The following TMEM185A variants were observed in gnomAD, a reference collection of about 807,000 sequenced individuals.
The protein encoded by TMEM185A is transmembrane protein 185A.
TMEM185A carries 9 observed loss-of-function variants against 25.0 expected under a neutral mutation model. The ratio of observed to expected loss-of-function variants is 0.36; its 90% CI spans 0.22 to 0.63. The LOEUF is 0.63. TMEM185A is among the 20% of genes least tolerant of loss of function. The pLI, the probability that TMEM185A is intolerant of heterozygous loss-of-function variation, is 0.68. For synonymous variants in TMEM185A, 45 were observed against 93.5 expected, an observed-to-expected ratio of 0.48 and a Z score of 2.99; for missense variants, 103 against 237.4, an observed-to-expected ratio of 0.43 and a Z score of 3.72.
In TMEM185A at chrX:149,611,467, G is replaced by C; in HGVS notation, c.39-4C>G. ...ACAGGCATAGATGAGGAATTTACTA[G>C]GAGAAAAGTAAAACGATTAAGAAGG... On this transcript the variant is annotated splice_region_variant and splice_polypyrimidine_tract_variant and intron_variant, in intron 1 of 6. Transcript: ENST00000600449. The C allele has an allele frequency of 8.4e-7, 1 of 1,184,952 alleles. No individual in the cohort carries two copies. The highest frequency in any genetic ancestry group is 1.9e-5 in the South Asian group (1 of 52,362).
chrX:149,615,677 A>C lies in TMEM185A; in HGVS notation c.39-4214T>G, dbSNP rs186493263. On this transcript the variant is annotated intron_variant, in intron 1 of 6. Transcript: ENST00000600449. ...GTAGCTATCACAAATTGGAAACAGAAATTTAAAAATATGTATCATTTACTG... is the reference window on the plus strand; with the variant it reads ...GTAGCTATCACAAATTGGAAACAGACATTTAAAAATATGTATCATTTACTG... 2.7e-5 allele frequency among the ~76,000 whole-genome samples: 3 copies of C among 112,130 alleles called. No individual in the cohort carries two copies. In the East Asian group the frequency reaches 8.3e-4, roughly 31 times the overall value.
chrX:149,610,240 G>T (rs2090074744), intron 2 of TMEM185A, among the ~76,000 whole-genome samples: 1 of 108,509 alleles, frequency 9.2e-6, no homozygotes, highest in Non-Finnish European at 1.9e-5. Flanking sequence ...AAACTAGCCT[G>T]GCATGGTGAA....
chrX:149,606,389 T>C (rs2090051297), intron 3 of TMEM185A, among the ~76,000 whole-genome samples: 1 of 113,064 alleles, frequency 8.8e-6, no homozygotes, highest in Non-Finnish European at 1.9e-5. Flanking sequence ...TATTACTGTT[T>C]TCCTCAAAAT....
Position 149,596,921 on chromosome X carries a change from G to A in TMEM185A, c.*1090C>T, listed in dbSNP as rs1425559347. On this transcript the variant is annotated 3_prime_UTR_variant, in exon 7 of 7. Transcript: ENST00000600449. ...CCTGCAGTGCTTGGAGAAACGGCAC[G>A]CACACGTGAAAACATCATGCCTACT... 9.3e-6 allele frequency: 1 copy of A among 107,080 alleles called. No individual in the cohort carries two copies. The highest frequency in any genetic ancestry group is 1.9e-5 in the Non-Finnish European group (1 of 51,578). 8.8% of individuals were successfully genotyped at this position (107,080 alleles called of 1,213,427 possible).
chrX:149,610,272 C>G (rs1435514868), intron 2 of TMEM185A, among the ~76,000 whole-genome samples: 1 of 107,100 alleles, frequency 9.3e-6, no homozygotes, highest in African/African-American at 3.4e-5. Flanking sequence ...ACTAAAAATA[C>G]AAAAAATTAG....
intron 3 of TMEM185A, among the ~76,000 whole-genome samples, chrX:149,607,817 A>G (rs2090060396): frequency 8.9e-6 from 1 of 112,009 alleles, no homozygotes; most frequent in South Asian, 3.7e-4. Flanking sequence ...TATAGTACCC[A>G]GTTATTTAAT....
At chrX:149,620,885 G>A (rs1183908755) in intron 1 of TMEM185A, among the ~76,000 whole-genome samples, 9 of 112,329 alleles carry the variant, frequency 8.0e-5, no homozygotes, top group African/African-American at 2.9e-4. Context: ...AAGAGAGCCT[G>A]TGTCAAGGTG....
chrX:149,615,563 C>T (rs997248083), intron 1 of TMEM185A, among the ~76,000 whole-genome samples: 8 of 109,467 alleles, frequency 7.3e-5, no homozygotes, highest in Admixed American at 2.0e-4. Context: ...CCTAAGTAAT[C>T]TAAAAAAAAG....
chrX:149,631,729 TCGCCGTCGCCGCCGCCGCCGCCGCCGC>T lies in TMEM185A; in HGVS notation c.-176_-150del, dbSNP rs1158707547. 119 of 438,593 alleles carry T rather than the reference TCGCCGTCGCCGCCGCCGCCGCCGCCGC, an allele frequency of 2.7e-4. 1 individual carries two copies. Among genetic ancestry groups the T allele is most frequent in the African/African-American group, 9.1e-4 (26 of 28,564 alleles). 36.1% of individuals were successfully genotyped at this position (438,593 alleles called of 1,213,427 possible). ...GCTGCCGTCCCCGCTGCCGTCGCCG[TCGCCGTCGCCGCCGCCGCCGCCGCCGC>T]CGCCGCCGCCGCCGCCGCCGCCGCC... On this transcript the variant is annotated 5_prime_UTR_variant, in exon 1 of 7. Coordinates refer to ENST00000600449, the MANE Select transcript of TMEM185A (RefSeq NM_032508.4).
intron 1 of TMEM185A, among the ~76,000 whole-genome samples, chrX:149,613,337 A>C (rs1025539306): frequency 8.9e-6 from 1 of 112,223 alleles, no homozygotes; most frequent in Middle Eastern, 4.6e-3. Context: ...AGTCAGAGAG[A>C]TTCCAGACTT....
intron 4 of TMEM185A, 26 bp downstream of exon 4, chrX:149,603,957 CTTTA>C (rs782742835): frequency 3.4e-6 from 4 of 1,160,548 alleles, no homozygotes; most frequent in Middle Eastern, 2.7e-4. Context: ...TAAAAAAGAA[CTTTA>C]TTTAAGGATT....
chrX:149,628,886 T>C (rs1244174601), intron 1 of TMEM185A, among the ~76,000 whole-genome samples: 2 of 112,113 alleles, frequency 1.8e-5, no homozygotes, highest in Non-Finnish European at 3.8e-5. Flanking sequence ...AGATTTATCT[T>C]ATAGGCTCTG....
chrX:149,608,649 A>G lies in TMEM185A; in HGVS notation c.401T>C (p.Phe134Ser). The G allele has an allele frequency of 8.3e-7, 1 of 1,211,803 alleles. No individual in the cohort carries two copies. Among genetic ancestry groups the G allele is most frequent in the Non-Finnish European group, 1.1e-6 (1 of 895,514 alleles). The change falls in exon 3 of 7, where the codon TTT becomes TCT. Residue 134 changes from phenylalanine (F) to serine (S), a missense_variant. Physicochemically the swap from Phe to Ser is radical, Grantham distance 155. Transcript: ENST00000600449. ...CACCTCTAGTGACCTGTCATGTCGA[A>G]AGCCCCAAACGCAAGCTGCAACAGA... ...PVSVAACVWG[F>S]RHDRSLELEI...
In TMEM185A at chrX:149,598,844, G is replaced by T. The variant is rs1204977711; in HGVS notation, c.809-589C>A. Among the ~76,000 whole-genome samples, 4 of 75,545 alleles carry T rather than the reference G, an allele frequency of 5.3e-5. 1 individual carries two copies. Among genetic ancestry groups the T allele is most frequent in the Non-Finnish European group, 9.0e-5 (4 of 44,452 alleles). 65.6% of individuals were successfully genotyped at this position (75,545 alleles called of 115,157 possible). On this transcript the variant is annotated intron_variant, in intron 6 of 6. Transcript: ENST00000600449. ...TTTCCCAGTCCCACTACTCCTCTCT[G>T]TAGGCTACTGGAGTGTCAGCTCGGT...
At position 149,608,761 on chromosome X, in the gene TMEM185A, ACAT is replaced by A; in HGVS notation, c.286_288del (p.Met96del). 1 of 1,211,738 alleles carries A rather than the reference ACAT, an allele frequency of 8.3e-7. No homozygotes were observed. On this transcript the variant is annotated inframe_deletion, in exon 3 of 7. Transcript: ENST00000600449. Reference sequence around the variant, plus strand: ...ATTCTGTCACAGACCAGAACTTCAAACATCAACAAGAGCAAGTGGATGCCCACT... The same window carrying A: ...ATTCTGTCACAGACCAGAACTTCAAACAACAAGAGCAAGTGGATGCCCACT...
At chrX:149,613,062 C>T (rs1238903084) in intron 1 of TMEM185A, among the ~76,000 whole-genome samples, 2 of 111,637 alleles carry the variant, frequency 1.8e-5, no homozygotes, top group Non-Finnish European at 3.8e-5. Flanking sequence ...GGCTACTCTC[C>T]CTATTTTAAG....
chrX:149,611,618 T>C (rs781889202), intron 1 of TMEM185A, among the ~76,000 whole-genome samples, 155 bp from the exon 2 acceptor site: 10 of 112,266 alleles, frequency 8.9e-5, no homozygotes, highest in Non-Finnish European at 1.9e-4. Flanking sequence ...ACATAATGTG[T>C]TGGGAATAAA....
chrX:149,612,711 C>T (rs2090090204), intron 1 of TMEM185A, among the ~76,000 whole-genome samples: 1 of 111,827 alleles, frequency 8.9e-6, no homozygotes, highest in Admixed American at 9.4e-5. Context: ...ATAAAGATGT[C>T]TGTTGGTGGA....
At chrX:149,631,157 CGAGT>C (rs1347599188) in intron 1 of TMEM185A, among the ~76,000 whole-genome samples, 2 of 109,791 alleles carry the variant, frequency 1.8e-5, no homozygotes, top group African/African-American at 6.7e-5. Context: ...GGTGTTGGGT[CGAGT>C]GAGACGGCCC....
Sources: allele counts gnomAD v4.1 joint callset (sites outside exome capture counted in the v4.1 genomes callset), GRCh38; gene constraint gnomAD v4.1.1; transcripts MANE v1.5; gene names NCBI Gene and HGNC (gene_info 2026-07-23, HGNC 2026-07-21).